SCAP: variants seen among roughly 807,000 people sequenced by gnomAD.
SCAP encodes the protein SREBF chaperone.
SCAP carries 65 observed loss-of-function variants against 123.6 expected under a neutral mutation model. The observed-to-expected ratio is 0.53, with a 90% CI of 0.43 to 0.65. The LOEUF is 0.65. Ranked by LOEUF, SCAP falls within the 30% of genes least tolerant of loss-of-function variation. SCAP has a pLI of 0.00. For synonymous variants in SCAP, 740 were observed against 726.3 expected (o/e 1.02, Z -0.30); for missense variants, 1,398 against 1,712.5 (o/e 0.82, Z 3.24).
chr3:47,464,364 G>A (rs1707752094), intron 1 of SCAP, among the ~76,000 whole-genome samples: 1 of 151,820 alleles, frequency 6.6e-6, no homozygotes, highest in African/African-American at 2.4e-5. Context: ...GCCCAGGCTG[G>A]GACTGATTTG....
rs770175018 is a variant in SCAP, at chr3:47,417,588, G to A, written c.2686C>T (p.Arg896Trp). 4.8e-5 allele frequency: 76 copies of A among 1,596,350 alleles called. No homozygotes were observed. Among genetic ancestry groups the A allele is most frequent in the Middle Eastern group, 3.3e-4 (2 of 6,002 alleles). ...GAGCGGCCACAGACCGCCCGGTGCCGGGGCTCGGGCTGAGTGGGCTGTGAG... is the reference window on the plus strand; with the variant it reads ...GAGCGGCCACAGACCGCCCGGTGCCAGGGCTCGGGCTGAGTGGGCTGTGAG... ...RSSQPTQPEP[R>W]HRAVCGRSRD... Residue 896 changes from arginine (R) to tryptophan (W), a missense_variant, in exon 17 of 23, where the codon CGG becomes TGG. This residue lies in a region of SCAP where 828 missense variants were observed against 882.5 expected (regional missense o/e 0.94). Transcript: ENST00000265565.
Position 47,417,804 on chromosome 3 carries a change from C to A in SCAP, c.2470G>T (p.Val824Leu). Reference sequence around the variant, plus strand: ...TCCTGAGCCTCAAGCCCGCTGCCCACGCCACTGTCCCGGCGCTGCCTGCTG... The same window carrying A: ...TCCTGAGCCTCAAGCCCGCTGCCCAAGCCACTGTCCCGGCGCTGCCTGCTG... ...RPGRQRRDSG[V>L]GSGLEAQESW... Residue 824 changes from valine (V) to leucine (L), a missense_variant, in exon 17 of 23, where the codon GTG (valine) becomes TTG (leucine). By Grantham distance (32) the Val-to-Leu change is conservative. Around this residue, in one of 7 missense-constraint regions of SCAP, gnomAD observed 828 missense variants for 882.5 expected, o/e 0.94. Transcript: ENST00000265565. 12 of 1,486,176 alleles carry A rather than the reference C, an allele frequency of 8.1e-6. No individual in the cohort carries two copies. Among genetic ancestry groups the A allele is most frequent in the Non-Finnish European group, 1.1e-5 (12 of 1,109,298 alleles). The allele number at this position is 1,486,176 out of a possible 1,614,324, so 92.1% of individuals were successfully genotyped here.
chr3:47,472,112 G>A (rs1708042998), intron 1 of SCAP, among the ~76,000 whole-genome samples: 1 of 150,694 alleles, frequency 6.6e-6, no homozygotes, highest in South Asian at 2.1e-4. Flanking sequence ...CAGATTGAGT[G>A]AGACTCCATC....
At chr3:47,426,300 G>A (rs1158417668) in intron 6 of SCAP, 131 bp from the exon 7 acceptor site, 1 of 893,526 alleles carries the variant, frequency 1.1e-6, no homozygotes, top group Non-Finnish European at 1.6e-6. Context: ...TCTCTATGGT[G>A]CCTGAGCTTC....
chr3:47,430,784 G>A (rs1228791700), intron 3 of SCAP, among the ~76,000 whole-genome samples: 3 of 152,192 alleles, frequency 2.0e-5, no homozygotes, highest in African/African-American at 7.2e-5. Context: ...GGACTGAAGG[G>A]GGCAGGGCCC....
intron 1 of SCAP, among the ~76,000 whole-genome samples, chr3:47,470,786 A>G (rs1321115509): frequency 1.3e-5 from 2 of 151,928 alleles, no homozygotes; most frequent in Non-Finnish European, 2.9e-5. Flanking sequence ...GCTTGAACCC[A>G]GGGGGGCGAA....
In SCAP at chr3:47,471,971, T is replaced by A. The variant is rs998197359; in HGVS notation, c.-99+3828A>T. Among the ~76,000 whole-genome samples the A allele has an allele frequency of 2.6e-5, 4 of 151,352 alleles. No individual in the cohort carries two copies. The South Asian group carries it at 8.3e-4, about 31-fold the overall frequency. ...GCCTAACCAATATGGTGAAACCCCA[T>A]CTCTACTAAAAATACAAAATTAGCC... On this transcript the variant is annotated intron_variant, in intron 1 of 22. Coordinates refer to ENST00000265565, the MANE Select transcript of SCAP (RefSeq NM_012235.4).
intron 1 of SCAP, among the ~76,000 whole-genome samples, chr3:47,443,587 G>A (rs541741545): frequency 2.1e-4 from 32 of 152,228 alleles, no homozygotes; most frequent in East Asian, 1.9e-3. Flanking sequence ...CGTGAAGAAG[G>A]TCTAGCGAGG....
chr3:47,423,845 G>A, intron 9 of SCAP, 88 bp downstream of exon 9: 1 of 945,358 alleles, frequency 1.1e-6, no homozygotes, highest in South Asian at 1.4e-5. Context: ...CAAGGGCTCT[G>A]TTTGCTCACA....
In SCAP at chr3:47,414,013, T is replaced by A. The variant is rs764639012; in HGVS notation, c.3681A>T (p.Leu1227=). Residue 1227 remains leucine (L), a synonymous_variant, in exon 23 of 23, where the codon CTA becomes CTT. Coordinates refer to ENST00000265565, the MANE Select transcript of SCAP (RefSeq NM_012235.4). The part of the protein sequence containing the change: ...GGQGCVSFWD[L]NYGDLLQTVY... ...CTGTCTGTAACAGGTCCCCGTAGTTTAGGTCCCAAAAGGAGACACAGCCCT... is the reference window on the plus strand; with the variant it reads ...CTGTCTGTAACAGGTCCCCGTAGTTAAGGTCCCAAAAGGAGACACAGCCCT... The A allele has an allele frequency of 1.9e-6, 3 of 1,613,208 alleles. No homozygotes were observed. The highest frequency in any genetic ancestry group is 2.5e-6 in the Non-Finnish European group (3 of 1,180,026).
In SCAP at chr3:47,416,615, C is replaced by CT. The variant is rs3077503; in HGVS notation, c.3056+506dup. On this transcript the variant is annotated intron_variant, in intron 18 of 22. Transcript: ENST00000265565. ...TTCCAAGCACGTCACACCCCTAACG[C>CT]TTTTTTTTTTTTTTTTTTTTTTTTT... is the stretch of plus-strand genomic sequence containing the variant. Among the ~76,000 whole-genome samples, 61 of 70,218 alleles carry CT rather than the reference C, an allele frequency of 8.7e-4. 7 individuals are homozygous for CT. The highest frequency in any genetic ancestry group is 2.6e-3 in the African/African-American group (43 of 16,402). 46.1% of individuals were successfully genotyped at this position (70,218 alleles called of 152,430 possible).
Position 47,417,669 on chromosome 3 carries a change from C to G in SCAP, c.2605G>C (p.Asp869His). 1 of 1,608,550 alleles carries G rather than the reference C, an allele frequency of 6.2e-7. No homozygotes were observed. Among genetic ancestry groups the G allele is most frequent in the Non-Finnish European group, 8.5e-7 (1 of 1,178,544 alleles). ...RGPPPPSLFG[D>H]QPDLTCLIDT... ...ATTAAGCAGGTGAGGTCAGGCTGGT[C>G]CCCGAAGAGGGAAGGCGGCGGAGGG... Residue 869 changes from aspartate (D) to histidine (H), a missense_variant, in exon 17 of 23, where the codon GAC becomes CAC. Transcript: ENST00000265565.
chr3:47,450,449 G>A lies in SCAP; in HGVS notation c.-98-7358C>T, dbSNP rs1451522320. 1.6e-5 allele frequency among the ~76,000 whole-genome samples: 2 copies of A among 123,686 alleles called. 1 individual carries two copies. Among genetic ancestry groups the A allele is most frequent in the African/African-American group, 5.5e-5 (2 of 36,260 alleles). 81.1% of individuals were successfully genotyped at this position (123,686 alleles called of 152,430 possible). A position where few individuals can be genotyped will look rare whatever the true frequency, so the allele number is the denominator to read the frequency against. On this transcript the variant is annotated intron_variant, in intron 1 of 22. Coordinates refer to ENST00000265565, the MANE Select transcript of SCAP (RefSeq NM_012235.4). ...AATTATATACAAAAAGTGCACAAAAGGAGAATAGAGGGAAACGTTAGTAGT... is the reference window on the plus strand; with the variant it reads ...AATTATATACAAAAAGTGCACAAAAAGAGAATAGAGGGAAACGTTAGTAGT...
chr3:47,423,679 C>T, intron 9 of SCAP, among the ~76,000 whole-genome samples: 1 of 152,224 alleles, frequency 6.6e-6, no homozygotes, highest in East Asian at 1.9e-4. Flanking sequence ...CAGGTGTGAG[C>T]CATGGCACCC....
intron 14 of SCAP, 48 bp downstream of exon 14, chr3:47,418,607 T>TCC: frequency 6.6e-7 from 1 of 1,513,744 alleles, no homozygotes; most frequent in Non-Finnish European, 8.9e-7. Context: ...TGCCTACCCG[T>TCC]CCCCCTCCCC....
chr3:47,467,609 A>C (rs964697931), intron 1 of SCAP, among the ~76,000 whole-genome samples: 39 of 152,164 alleles, frequency 2.6e-4, no homozygotes, highest in Admixed American at 5.2e-4. Context: ...TCTCAAGAAA[A>C]AGAAAAAGAA....
chr3:47,472,298 G>A (rs1295120181), intron 1 of SCAP, among the ~76,000 whole-genome samples: 1 of 150,930 alleles, frequency 6.6e-6, no homozygotes, highest in Non-Finnish European at 1.5e-5. Context: ...GCCGGGCGCG[G>A]TGGCGGGCGC....
intron 3 of SCAP, among the ~76,000 whole-genome samples, chr3:47,429,257 T>C (rs1706265067): frequency 1.3e-5 from 2 of 152,258 alleles, no homozygotes; most frequent in South Asian, 4.1e-4. Flanking sequence ...TTCTAGCACA[T>C]TGGGCAGCGA....
intron 1 of SCAP, chr3:47,469,931 C>T: frequency 2.2e-6 from 1 of 450,034 alleles, no homozygotes; most frequent in South Asian, 1.9e-5. Context: ...TTCACTGCCA[C>T]AGCTCTACTA....
Sources: allele counts gnomAD v4.1 joint callset (sites outside exome capture counted in the v4.1 genomes callset), GRCh38; gene constraint gnomAD v4.1.1; regional missense constraint gnomAD v4.1.1; transcripts MANE v1.5; gene names NCBI Gene and HGNC (gene_info 2026-07-23, HGNC 2026-07-21).